SLC48A1: variants seen among roughly 807,000 people sequenced by gnomAD.
SLC48A1 encodes the protein solute carrier family 48 member 1.
A neutral mutation model predicts 14.8 loss-of-function variants in SLC48A1; 6 were observed. The ratio of observed to expected loss-of-function variants is 0.41; its 90% confidence interval spans 0.22 to 0.80. SLC48A1 has a LOEUF of 0.80. Ranked by LOEUF, SLC48A1 falls within the 30% of genes least tolerant of loss-of-function variation. SLC48A1 has a pLI of 0.34. For missense variants in SLC48A1, 165 were observed against 204.8 expected (o/e 0.81, Z 1.19); for synonymous variants, 89 against 90.0 (o/e 0.99, Z 0.06).
At chr12:47,774,615 G>A (rs920950464) in intron 1 of SLC48A1, among the ~76,000 whole-genome samples, 5 of 152,222 alleles carry the variant, frequency 3.3e-5, no homozygotes, top group Non-Finnish European at 5.9e-5. Context: ...GCCACAGGGA[G>A]TGCTGAGTGC....
At chr12:47,773,462 CGCGGGGCGGGTGCGCGGCTGCGGG>C in intron 1 of SLC48A1, 22 bp downstream of exon 1, 1 of 1,318,884 alleles carries the variant, frequency 7.6e-7, no homozygotes, top group Non-Finnish European at 9.7e-7. Context: ...CGCTGGGCGG[CGCGGGGCGGGTGCGCGGCTGCGGG>C]GCGGGCGCCG....
chr12:47,758,059 C>G, upstream of SLC48A1: 1 of 1,569,492 alleles, frequency 6.4e-7, no homozygotes, highest in Non-Finnish European at 8.6e-7. Flanking sequence ...CTGCCAGCAG[C>G]TCTCACCTGG....
chr12:47,767,982 A>T (rs926920241), upstream of SLC48A1, among the ~76,000 whole-genome samples: 11 of 150,612 alleles, frequency 7.3e-5, no homozygotes, highest in East Asian at 1.9e-4. Flanking sequence ...ATTTATTTAA[A>T]TTTTTTTTTT....
upstream of SLC48A1, chr12:47,758,224 G>C (rs1342373306): frequency 7.0e-7 from 1 of 1,436,556 alleles, no homozygotes; most frequent in African/African-American, 1.4e-5. Flanking sequence ...GAGCTGGGGG[G>C]AGGAACAGGA....
chr12:47,767,690 T>C (rs1942546261), upstream of SLC48A1, among the ~76,000 whole-genome samples: 1 of 152,232 alleles, frequency 6.6e-6, no homozygotes, highest in Non-Finnish European at 1.5e-5. Flanking sequence ...CGAGGAATCC[T>C]CTGAGGAGGT....
exon 2 of SLC48A1, chr12:47,760,279 G>A (rs1016670637): frequency 1.0e-6 from 1 of 985,370 alleles, no homozygotes; most frequent in African/African-American, 1.7e-5. Context: ...TCCGGGGAAG[G>A]AGGAAAGCCT....
chr12:47,758,900 G>A, intron 1 of SLC48A1: 6 of 1,106,028 alleles, frequency 5.4e-6, no homozygotes, highest in South Asian at 7.6e-5. Flanking sequence ...CCGGGCGGGA[G>A]CTGTCACACC....
At chr12:47,773,950 G>A (rs989639955) in intron 1 of SLC48A1, among the ~76,000 whole-genome samples, 7 of 152,266 alleles carry the variant, frequency 4.6e-5, no homozygotes, top group East Asian at 1.9e-4. Flanking sequence ...GGCTGGGGAA[G>A]CCCATCTCCC....
At chr12:47,774,260 A>T (rs927790633) in intron 1 of SLC48A1, among the ~76,000 whole-genome samples, 1 of 152,230 alleles carries the variant, frequency 6.6e-6, no homozygotes. Flanking sequence ...ATTGGTATGA[A>T]GATGAAAAAT....
At chr12:47,759,371 G>A (rs1247345611) in intron 1 of SLC48A1, among the ~76,000 whole-genome samples, 1 of 141,656 alleles carries the variant, frequency 7.1e-6, no homozygotes. Context: ...CCGCTGCCTT[G>A]CCTCCCACAG....
At chr12:47,758,239 C>T (rs1942216833), upstream of SLC48A1, 1 of 1,434,778 alleles carries the variant, frequency 7.0e-7, no homozygotes, top group South Asian at 1.5e-5. Flanking sequence ...ACAGGAAGAC[C>T]TTCACTGGGG....
upstream of SLC48A1, chr12:47,756,623 G>C (rs1301261553): frequency 6.6e-6 from 1 of 151,960 alleles, no homozygotes. Context: ...GGCAAGGTAG[G>C]GGGAAGGAGG....
chr12:47,776,702 G>A (rs867911447), intron 1 of SLC48A1, among the ~76,000 whole-genome samples: 120 of 152,198 alleles, frequency 7.9e-4, no homozygotes, highest in African/African-American at 2.8e-3. Context: ...GGCCCAAAAC[G>A]CCCCCAAATG....
At chr12:47,769,243 A>C, upstream of SLC48A1, 1 of 152,228 alleles carries the variant, frequency 6.6e-6, no homozygotes, top group Middle Eastern at 3.2e-3. Context: ...AGACACACAA[A>C]TGTTGGTGTG....
At chr12:47,759,342 G>A (rs902474963) in intron 1 of SLC48A1, among the ~76,000 whole-genome samples, 2 of 152,228 alleles carry the variant, frequency 1.3e-5, no homozygotes, top group Non-Finnish European at 2.9e-5. Context: ...GGGAATAGGC[G>A]GCTTTCCCGC....
chr12:47,758,573 G>C (rs1390005259), upstream of SLC48A1: 4 of 1,613,564 alleles, frequency 2.5e-6, no homozygotes, highest in African/African-American at 5.3e-5. Context: ...TTTCAAGCTC[G>C]CACAGCCGTG....
chr12:47,756,425 GCGGAGAGC>G (rs1356386918), upstream of SLC48A1: 1 of 152,316 alleles, frequency 6.6e-6, no homozygotes, highest in Admixed American at 6.5e-5. Context: ...GACCCGGAGA[GCGGAGAGC>G]CGGAGAGCCA....
Position 47,766,563 on chromosome 12 carries a change from C to T in SLC48A1, c.-186-5607C>T, listed in dbSNP as rs375708779. On this transcript the variant is annotated intron_variant, in intron 2 of 4. Coordinates refer to the SLC48A1 transcript ENST00000547002. ...CGGGTTCAGGTTAGGAGATGGAGAT[C>T]GCTAGAGAACACCAAGATAGGGAGG... is the stretch of plus-strand genomic sequence containing the variant. Among the ~76,000 whole-genome samples the T allele has an allele frequency of 3.3e-5, 5 of 152,250 alleles. No individual in the cohort carries two copies. The East Asian group carries it at 5.8e-4, about 18-fold the overall frequency.
upstream of SLC48A1, chr12:47,771,721 T>G (rs538143696): frequency 1.3e-5 from 2 of 151,974 alleles, no homozygotes; most frequent in African/African-American, 4.8e-5. Context: ...TCACCTGAGG[T>G]CAGGAGTTCG....
Sources: allele counts gnomAD v4.1 joint callset (sites outside exome capture counted in the v4.1 genomes callset), GRCh38; gene constraint gnomAD v4.1.1; transcripts MANE v1.5; gene names NCBI Gene and HGNC (gene_info 2026-07-23, HGNC 2026-07-21).